MORN1: variants seen among roughly 807,000 people sequenced by gnomAD.
The protein encoded by MORN1 is MORN repeat containing 1.
MORN1 carries 67 observed loss-of-function variants against 61.9 expected under a neutral mutation model. That is an observed-to-expected ratio of 1.08 (90% CI 0.89 to 1.33). MORN1 has a LOEUF of 1.33. Among genes scored for constraint, MORN1 ranks in the 40% most tolerant of loss-of-function variants. The pLI is 0.00. For missense variants in MORN1, 752 were observed against 691.2 expected, an observed-to-expected ratio of 1.09 and a Z score of -0.99; for synonymous variants, 301 against 292.0, an observed-to-expected ratio of 1.03 and a Z score of -0.31.
intron 10 of MORN1, among the ~76,000 whole-genome samples, chr1:2,342,348 G>A (rs1641412455): frequency 1.3e-5 from 2 of 152,398 alleles, no homozygotes; most frequent in South Asian, 2.1e-4. Flanking sequence ...GCCGCGGCAG[G>A]CGCAGGACCT....
rs1642155285 is a variant in MORN1 at position 2,372,970 on chromosome 1, C to T, written c.635-379G>A. ...GGCCCTGCATTCCCTGCATCTGAGT[C>T]AGCACCCTGAGGTGCTGGACCTGGG... On this transcript the variant is annotated intron_variant, in intron 7 of 13. Coordinates refer to ENST00000378531, the MANE Select transcript of MORN1 (RefSeq NM_024848.3). This position sits in a 1 kb window ranked among gnomAD's most constrained non-coding sequence, Gnocchi z 5.4. 6.6e-6 allele frequency among the ~76,000 whole-genome samples: 1 copy of T among 152,254 alleles called. No individual in the cohort carries two copies.
At chr1:2,388,565 T>G in intron 2 of MORN1, 1 of 491,176 alleles carries the variant, frequency 2.0e-6, no homozygotes, top group South Asian at 2.3e-5. Flanking sequence ...AGCACAGGAA[T>G]CGAAGTGCAG....
intron 10 of MORN1, among the ~76,000 whole-genome samples, chr1:2,341,049 A>G (rs972541855): frequency 1.3e-5 from 2 of 151,940 alleles, no homozygotes; most frequent in Non-Finnish European, 2.9e-5. Context: ...TGGCACTGCT[A>G]CTCGTCTGGT....
intron 10 of MORN1, chr1:2,351,879 C>A (rs1452730885): frequency 8.0e-6 from 4 of 500,680 alleles, no homozygotes; most frequent in Non-Finnish European, 1.5e-5. Flanking sequence ...TCCCCCAGAT[C>A]CAATGTCCAC....
chr1:2,335,839 A>G lies in MORN1; in HGVS notation c.1250+630T>C, dbSNP rs558629388. 1.5e-3 allele frequency among the ~76,000 whole-genome samples: 220 copies of G among 149,988 alleles called. 2 individuals are homozygous for G. The highest frequency in any genetic ancestry group is 5.4e-3 in the African/African-American group (211 of 39,370). ...CCTCCTCGCCTCCATAGCCCAGCCC[A>G]GCCCAGCGCGCAGCTGCCCCCAATT... On this transcript the variant is annotated intron_variant, in intron 12 of 13. Coordinates refer to ENST00000378531, the MANE Select transcript of MORN1 (RefSeq NM_024848.3).
intron 6 of MORN1, among the ~76,000 whole-genome samples, chr1:2,380,670 G>C (rs923519977): frequency 5.3e-5 from 8 of 152,154 alleles, no homozygotes; most frequent in Middle Eastern, 3.4e-3. Flanking sequence ...TCAGCCTCCT[G>C]AGGAGCTGGG....
chr1:2,349,908 A>C (rs58965274), intron 10 of MORN1, among the ~76,000 whole-genome samples: 16 of 152,340 alleles, frequency 1.1e-4, no homozygotes, highest in East Asian at 1.9e-4. Flanking sequence ...AGAAGAAAAG[A>C]AAAGCAACCT....
chr1:2,382,526 G>A (rs947193766), intron 6 of MORN1, among the ~76,000 whole-genome samples: 3 of 152,192 alleles, frequency 2.0e-5, no homozygotes, highest in African/African-American at 4.8e-5. Flanking sequence ...CGAGGGAATC[G>A]TCATGGTGGC....
intron 10 of MORN1, among the ~76,000 whole-genome samples, chr1:2,342,482 A>G (rs927952473): frequency 4.6e-5 from 7 of 152,266 alleles, no homozygotes; most frequent in Admixed American, 1.3e-4. Flanking sequence ...GACACAGGGC[A>G]TTAGTCTTTA....
At chr1:2,342,801 G>A (rs1483777399) in intron 10 of MORN1, among the ~76,000 whole-genome samples, 1 of 149,446 alleles carries the variant, frequency 6.7e-6, no homozygotes, top group African/African-American at 2.5e-5. Context: ...GACCTGGGCT[G>A]GCCTTTCCTT....
chr1:2,359,183 G>C (rs1641840867), intron 8 of MORN1, among the ~76,000 whole-genome samples: 1 of 152,138 alleles, frequency 6.6e-6, no homozygotes, highest in African/African-American at 2.4e-5. Flanking sequence ...GGGCCTCCAT[G>C]GTGGTCCTCA....
At chr1:2,369,949 AG>A (rs1642078784) in intron 8 of MORN1, among the ~76,000 whole-genome samples, 1 of 152,204 alleles carries the variant, frequency 6.6e-6, no homozygotes, top group Admixed American at 6.5e-5. Context: ...TCAACATTCC[AG>A]CAGCCTTCTT....
chr1:2,324,197 A>C, intron 12 of MORN1, 54 bp from the exon 13 acceptor site: 2 of 1,536,124 alleles, frequency 1.3e-6, no homozygotes. Context: ...CCCCGACGAC[A>C]TGGCATCCCT....
chr1:2,327,642 G>A (rs554544526), intron 12 of MORN1, among the ~76,000 whole-genome samples: 1 of 152,352 alleles, frequency 6.6e-6, no homozygotes, highest in African/African-American at 2.4e-5. Context: ...CGAGTGGCCC[G>A]TGCGGCTTTT....
intron 10 of MORN1, among the ~76,000 whole-genome samples, chr1:2,356,409 G>C (rs16825067): frequency 0.32 from 48,078 of 152,090 alleles, 8,852 homozygotes; most frequent in African/African-American, 0.51. Context: ...TCTGGGCTCA[G>C]CACAGCCTCT....
At position 2,358,728 on chromosome 1, in the gene MORN1, A is replaced by T; in HGVS notation, c.746-13T>A. On this transcript the variant is annotated splice_polypyrimidine_tract_variant and intron_variant, in intron 8 of 13. Transcript: ENST00000378531. ...CGGCCGCTCTCGCCTTCCAGGAGAGAGGAGCAGGCAGTGAACACTCACAGG... is the reference window on the plus strand; with the variant it reads ...CGGCCGCTCTCGCCTTCCAGGAGAGTGGAGCAGGCAGTGAACACTCACAGG... The T allele has an allele frequency of 6.2e-7, 1 of 1,602,270 alleles. No homozygotes were observed.
chr1:2,389,998 T>G lies in MORN1; in HGVS notation c.77-2A>C. On this transcript the variant is annotated splice_acceptor_variant, in intron 1 of 13. Transcript: ENST00000378531. LOFTEE classifies it high-confidence loss of function. Reference sequence around the variant, plus strand: ...TTGGGTATACGTAGACACCATAACCTGAGTATTGAGAAGACACACACAGGT... The same window carrying G: ...TTGGGTATACGTAGACACCATAACCGGAGTATTGAGAAGACACACACAGGT... The G allele has an allele frequency of 6.2e-7, 1 of 1,612,786 alleles. No homozygotes were observed. The highest frequency in any genetic ancestry group is 2.2e-5 in the East Asian group (1 of 44,874).
rs981038424 is a variant in MORN1, at chr1:2,386,108, C to T, written c.359-211G>A. On this transcript the variant is annotated intron_variant, in intron 4 of 13. Coordinates refer to ENST00000378531, the MANE Select transcript of MORN1 (RefSeq NM_024848.3). ...TCGGTGAGGCTCTGAACGGGAAGGG[C>T]AGATGTGCTTTGGGACAGGTCGGTG... The T allele has an allele frequency of 8.7e-6, 5 of 573,564 alleles. No homozygotes were observed. In the African/African-American group the frequency reaches 9.4e-5, roughly 11 times the overall value. The allele number at this position is 573,564 out of a possible 1,614,324, so 35.5% of individuals were successfully genotyped here. A position where few individuals can be genotyped will look rare whatever the true frequency, so the allele number is the denominator to read the frequency against.
chr1:2,355,796 C>T, intron 10 of MORN1, among the ~76,000 whole-genome samples: 1 of 152,206 alleles, frequency 6.6e-6, no homozygotes, highest in Non-Finnish European at 1.5e-5. Context: ...AGCCCTCAGC[C>T]CTGTCTCACT....
Sources: gnomAD v4.1 joint callset for allele counts (sites outside exome capture counted in the v4.1 genomes callset) on GRCh38, gnomAD v4.1.1 for gene constraint, Gnocchi (gnomAD v3.1) non-coding constraint, MANE v1.5 for transcripts, NCBI Gene and HGNC (gene_info 2026-07-23, HGNC 2026-07-21) for gene names.